The following CHFR variants were observed in gnomAD, a reference collection of about 807,000 sequenced individuals.
The protein encoded by CHFR is checkpoint with forkhead and ring finger domains.
Under a neutral mutation model 87.6 loss-of-function variants are expected in CHFR, and 57 were observed. The ratio of observed to expected loss-of-function variants is 0.65; its 90% CI spans 0.53 to 0.81. The LOEUF (loss-of-function observed/expected upper bound fraction) is 0.81, where lower values mean the gene tolerates loss of function less well. CHFR is among the 30% of genes least tolerant of loss of function. The probability of loss-of-function intolerance (pLI) is 0.00; values close to 1 mark genes in which losing one functional copy is unlikely to be tolerated. For missense variants in CHFR, 797 were observed against 865.8 expected (o/e 0.92, Z 1.00); for synonymous variants, 381 against 359.2 (o/e 1.06, Z -0.69).
intron 6 of CHFR, among the ~76,000 whole-genome samples, chr12:132,862,833 G>C (rs11615786): frequency 0.21 from 31,225 of 151,404 alleles, 3,439 homozygotes; most frequent in African/African-American, 0.27. Context: ...ACCTGCCTCA[G>C]CCTCCCAAAG....
At chr12:132,847,665 T>C in intron 14 of CHFR, 2 of 1,095,924 alleles carry the variant, frequency 1.8e-6, no homozygotes, top group Admixed American at 4.8e-5. Context: ...ATGTTAAACA[T>C]ATGTAAATCC....
intron 2 of CHFR, chr12:132,883,007 A>G (rs1337847633): frequency 6.6e-6 from 1 of 152,098 alleles, no homozygotes; most frequent in Non-Finnish European, 1.5e-5. Flanking sequence ...TGGCCTGAAT[A>G]TCAGCATTCT....
intron 14 of CHFR, chr12:132,847,633 C>T (rs1950857388): frequency 1.9e-6 from 2 of 1,079,168 alleles, no homozygotes; most frequent in Non-Finnish European, 2.3e-6. Context: ...CAGCAAAGTG[C>T]TCGGCAGGAG....
intron 2 of CHFR, among the ~76,000 whole-genome samples, chr12:132,879,085 A>G (rs930610063): frequency 2.0e-5 from 3 of 146,838 alleles, no homozygotes; most frequent in African/African-American, 7.5e-5. Flanking sequence ...GCTCACCACA[A>G]CCTCCACCTC....
In CHFR at chr12:132,837,554, T is replaced by G. The variant is rs986936186; in HGVS notation, c.*4000A>C. On this transcript the variant is annotated 3_prime_UTR_variant, in exon 18 of 18. Transcript: ENST00000450056. ...GGTAAACTAACTAGAAAGTAGTGCG[T>G]CCTGAGCACTCATCACCTTTGTTTT... 3 of 152,598 alleles carry G rather than the reference T, an allele frequency of 2.0e-5. No individual in the cohort carries two copies. The highest frequency in any genetic ancestry group is 1.3e-4 in the Admixed American group (2 of 15,312). The allele number at this position is 152,598 out of a possible 1,614,324, so 9.5% of individuals were successfully genotyped here. A position where few individuals can be genotyped will look rare whatever the true frequency, so the allele number is the denominator to read the frequency against.
chr12:132,863,063 AT>A, intron 6 of CHFR, among the ~76,000 whole-genome samples: 1 of 120,144 alleles, frequency 8.3e-6, no homozygotes, highest in Non-Finnish European at 1.8e-5. Flanking sequence ...CGCCCGGCTA[AT>A]TTTTTGTATT....
intron 10 of CHFR, 114 bp from the exon 11 acceptor site, chr12:132,853,687 G>C: frequency 7.8e-7 from 1 of 1,274,480 alleles, no homozygotes; most frequent in Non-Finnish European, 1.0e-6. Context: ...TCAGCTGCTT[G>C]GTGTGAGGGG....
chr12:132,869,564 G>T, intron 6 of CHFR, 55 bp downstream of exon 6: 2 of 1,484,432 alleles, frequency 1.3e-6, no homozygotes, highest in Non-Finnish European at 1.8e-6. Flanking sequence ...CAGGTAAAGA[G>T]TAGTGAACAA....
intron 15 of CHFR, among the ~76,000 whole-genome samples, chr12:132,844,444 C>T (rs577509473): frequency 7.0e-6 from 1 of 142,966 alleles, no homozygotes; most frequent in Non-Finnish European, 1.6e-5. Context: ...GCCACCACAC[C>T]GGGCTAATTT....
At chr12:132,877,721 T>G in intron 2 of CHFR, 67 bp from the exon 3 acceptor site, 1 of 932,392 alleles carries the variant, frequency 1.1e-6, no homozygotes, top group Non-Finnish European at 1.6e-6. Flanking sequence ...CTGCACTTTG[T>G]TTACCAAAGT....
intron 10 of CHFR, 193 bp from the exon 11 acceptor site, chr12:132,853,766 G>A (rs1384761844): frequency 3.3e-6 from 2 of 597,950 alleles, no homozygotes; most frequent in Non-Finnish European, 5.5e-6. Context: ...CGAAGGGCAA[G>A]GACACGCCAC....
At chr12:132,865,880 C>G (rs573283149) in intron 6 of CHFR, 20 of 151,916 alleles carry the variant, frequency 1.3e-4, no homozygotes, top group African/African-American at 4.6e-4. Flanking sequence ...CACCATGTTG[C>G]CCAAACTGGT....
In CHFR at chr12:132,845,675, T is replaced by G. The variant is rs1375575332; in HGVS notation, c.1735+1368A>C. ...ATATATATATTTCTACAGCCTCCCT[T>G]AGTGATAAATTATCATACTCCACAA... is the stretch of plus-strand genomic sequence containing the variant. On this transcript the variant is annotated intron_variant, in intron 15 of 17. Transcript: ENST00000450056. Among the ~76,000 whole-genome samples, 5 of 152,062 alleles carry G rather than the reference T, an allele frequency of 3.3e-5. No homozygotes were observed. In the East Asian group the frequency reaches 9.7e-4, roughly 30 times the overall value.
intron 16 of CHFR, 28 bp from the exon 17 acceptor site, chr12:132,843,111 A>C (rs1328644174): frequency 6.3e-7 from 1 of 1,599,384 alleles, no homozygotes; most frequent in Non-Finnish European, 8.5e-7. Context: ...GTACGCATCT[A>C]TGAGATGTAT....
intron 15 of CHFR, among the ~76,000 whole-genome samples, 160 bp from the exon 16 acceptor site, chr12:132,844,294 A>G (rs888592677): frequency 6.6e-6 from 1 of 152,148 alleles, no homozygotes; most frequent in African/African-American, 2.4e-5. Flanking sequence ...ATACGAATTT[A>G]TTTTTATTGA....
intron 10 of CHFR, among the ~76,000 whole-genome samples, chr12:132,856,260 T>C (rs1233087698): frequency 6.6e-6 from 1 of 152,176 alleles, no homozygotes; most frequent in Non-Finnish European, 1.5e-5. Flanking sequence ...CCCCGCTAAG[T>C]GTTCACCCAG....
At chr12:132,854,911 C>G (rs951149733) in intron 10 of CHFR, 21 of 152,108 alleles carry the variant, frequency 1.4e-4, no homozygotes, top group African/African-American at 4.6e-4. Flanking sequence ...TCAAGACCAG[C>G]CTGGCCAACA....
intron 7 of CHFR, among the ~76,000 whole-genome samples, chr12:132,860,971 T>A (rs1187200232): frequency 6.6e-6 from 1 of 152,240 alleles, no homozygotes; most frequent in Non-Finnish European, 1.5e-5. Context: ...CAGGCTGGTC[T>A]TGAACTCCTG....
chr12:132,844,017 G>C lies in CHFR; in HGVS notation c.1843+10C>G. ...GAACTAGAGCCATGAGGAAGTCGGG[G>C]GCTCCTTACCTGGCAACTCGGAAGC... On this transcript the variant is annotated intron_variant, in intron 16 of 17. Transcript: ENST00000450056. 4 of 1,582,770 alleles carry C rather than the reference G, an allele frequency of 2.5e-6. No homozygotes were observed. Among genetic ancestry groups the C allele is most frequent in the Non-Finnish European group, 3.5e-6 (4 of 1,151,606 alleles).
Sources: gnomAD v4.1 joint callset for allele counts (sites outside exome capture counted in the v4.1 genomes callset) on GRCh38, gnomAD v4.1.1 for gene constraint, MANE v1.5 for transcripts, NCBI Gene and HGNC (gene_info 2026-07-23, HGNC 2026-07-21) for gene names.